Variants in BTBD3 observed in about 807,000 individuals in gnomAD.
The protein encoded by BTBD3 is BTB/POZ domain-containing protein 3.
In BTBD3, 14 loss-of-function variants were observed where a neutral mutation model predicts 41.6. The ratio of observed to expected loss-of-function variants is 0.34; its 90% CI spans 0.22 to 0.53. BTBD3 has a LOEUF of 0.53. Among genes scored for constraint, BTBD3 ranks in the 20% least tolerant of loss-of-function variants. BTBD3 has a pLI of 0.95. For synonymous variants in BTBD3, 249 were observed against 233.7 expected (o/e 1.07, Z -0.60); for missense variants, 426 against 654.7 (o/e 0.65, Z 3.81).
chr20:11,921,185 G>A (rs1002601452), intron 3 of BTBD3, among the ~76,000 whole-genome samples: 1 of 152,202 alleles, frequency 6.6e-6, no homozygotes, highest in African/African-American at 2.4e-5. Context: ...AGTCAAGTAG[G>A]ATGTTGTATC....
At chr20:11,906,469 G>A (rs1470617746) in intron 1 of BTBD3, among the ~76,000 whole-genome samples, 2 of 151,486 alleles carry the variant, frequency 1.3e-5, no homozygotes, top group East Asian at 3.9e-4. Flanking sequence ...TCACCATGTT[G>A]GACAGTCTGT....
chr20:11,897,068 A>G (rs572149702), intron 1 of BTBD3, among the ~76,000 whole-genome samples: 3 of 152,116 alleles, frequency 2.0e-5, no homozygotes, highest in Middle Eastern at 3.4e-3. Flanking sequence ...TCCCTTCTAT[A>G]CCGCTGGCCT....
intron 1 of BTBD3, among the ~76,000 whole-genome samples, chr20:11,896,428 A>G (rs914541760): frequency 6.6e-6 from 1 of 152,162 alleles, no homozygotes; most frequent in Non-Finnish European, 1.5e-5. Flanking sequence ...ACTTTTATCT[A>G]CTTTTAAATA....
At chr20:11,891,027 G>C in intron 1 of BTBD3, 6 of 957,810 alleles carry the variant, frequency 6.3e-6, no homozygotes, top group Non-Finnish European at 7.4e-6. Flanking sequence ...CCGGGCAGGG[G>C]CGCGCGCCCT....
At chr20:11,919,392 A>C in intron 2 of BTBD3, 9 of 1,409,452 alleles carry the variant, frequency 6.4e-6, no homozygotes, top group Non-Finnish European at 8.3e-6. Context: ...ATCCCCTCTT[A>C]ACTCTCCAGA....
intron 1 of BTBD3, among the ~76,000 whole-genome samples, chr20:11,893,133 A>G (rs2056766346): frequency 6.6e-6 from 1 of 152,182 alleles, no homozygotes. Context: ...AGGAACTGTT[A>G]AAACTCTTCT....
At chr20:11,908,199 G>A (rs1174535183) in intron 1 of BTBD3, among the ~76,000 whole-genome samples, 2 of 151,880 alleles carry the variant, frequency 1.3e-5, no homozygotes, top group South Asian at 2.1e-4. Flanking sequence ...TGACTCAGAT[G>A]TAAATTGTGA....
chr20:11,896,197 C>T (rs1030067023), intron 1 of BTBD3, among the ~76,000 whole-genome samples: 5 of 152,172 alleles, frequency 3.3e-5, no homozygotes, highest in African/African-American at 1.2e-4. Context: ...CCTTTTATCT[C>T]TCAGCAGAGT....
At chr20:11,909,011 G>T (rs927783736) in intron 1 of BTBD3, among the ~76,000 whole-genome samples, 1 of 152,106 alleles carries the variant, frequency 6.6e-6, no homozygotes, top group Admixed American at 6.5e-5. Flanking sequence ...ACTTTGGGAG[G>T]CCTAGGCGGG....
chr20:11,916,503 T>G (rs1269767320), upstream of BTBD3, among the ~76,000 whole-genome samples: 1 of 152,200 alleles, frequency 6.6e-6, no homozygotes, highest in Non-Finnish European at 1.5e-5. Flanking sequence ...CAGGTAACTG[T>G]GCTACAGGCC....
intron 1 of BTBD3, among the ~76,000 whole-genome samples, chr20:11,907,376 A>T (rs573988858): frequency 8.7e-4 from 132 of 152,330 alleles, no homozygotes; most frequent in Non-Finnish European, 1.6e-3. Flanking sequence ...ATCTCAGTCA[A>T]CTAGAAACAC....
chr20:11,913,716 C>T (rs1203456704), upstream of BTBD3: 1 of 152,060 alleles, frequency 6.6e-6, no homozygotes, highest in Admixed American at 6.6e-5. Context: ...TCTGGAGTCC[C>T]GTTCAGTTTC....
chr20:11,894,558 T>C (rs1349050057), intron 1 of BTBD3, among the ~76,000 whole-genome samples: 1 of 152,162 alleles, frequency 6.6e-6, no homozygotes, highest in Non-Finnish European at 1.5e-5. Flanking sequence ...TCTGGTACTT[T>C]GCCTACTTTA....
intron 1 of BTBD3, among the ~76,000 whole-genome samples, chr20:11,891,856 C>T (rs535922068): frequency 1.3e-5 from 2 of 152,050 alleles, no homozygotes; most frequent in Non-Finnish European, 2.9e-5. Context: ...AAATATTCCC[C>T]GCCACCTCGC....
chr20:11,891,904 C>T (rs955194429), intron 1 of BTBD3, among the ~76,000 whole-genome samples: 2 of 152,132 alleles, frequency 1.3e-5, no homozygotes, highest in African/African-American at 2.4e-5. Context: ...CTTGGCTGCA[C>T]AGAGGAGTCG....
Position 11,918,019 on chromosome 20 carries a change from A to G in BTBD3, c.-257A>G, listed in dbSNP as rs1391627821. On this transcript the variant is annotated 5_prime_UTR_variant, in exon 1 of 4. Coordinates refer to ENST00000378226, the MANE Select transcript of BTBD3 (RefSeq NM_014962.4). ...GCAGTGTAGCATTTTCAGGTGATCT[A>G]GGAAACAGTTATTTTTATGAGCAAA... The G allele has an allele frequency of 7.8e-5, 94 of 1,210,888 alleles. No homozygotes were observed. Among genetic ancestry groups the G allele is most frequent in the Non-Finnish European group, 9.2e-5 (90 of 974,200 alleles). The allele number at this position is 1,210,888 out of a possible 1,614,324, so 75.0% of individuals were successfully genotyped here.
chr20:11,923,188 G>A lies in BTBD3; in HGVS notation c.1091G>A (p.Ser364Asn), dbSNP rs1309536064. The A allele has an allele frequency of 6.2e-7, 1 of 1,614,232 alleles. No homozygotes were observed. The highest frequency in any genetic ancestry group is 1.7e-5 in the Admixed American group (1 of 60,028). The change falls in exon 4 of 4, where the codon AGT becomes AAT. Residue 364 changes from serine (S) to asparagine (N), a missense_variant. By Grantham distance (46) the Ser-to-Asn change is conservative. Transcript: ENST00000378226. The surrounding 1 kb of genome is among the most constrained non-coding windows in gnomAD (Gnocchi z 5.3). ...AAAAAGCCTGAGCTTCAGTTTGTGAGTAAAGCCCGTAAGGGCCTTGTCCCC... is the reference window on the plus strand; with the variant it reads ...AAAAAGCCTGAGCTTCAGTTTGTGAATAAAGCCCGTAAGGGCCTTGTCCCC... ...AAKKPELQFV[S>N]KARKGLVPQR...
intron 1 of BTBD3, among the ~76,000 whole-genome samples, chr20:11,907,176 T>C (rs1373800536): frequency 1.3e-5 from 2 of 152,180 alleles, no homozygotes; most frequent in Middle Eastern, 3.2e-3. Flanking sequence ...AGACTTTTAA[T>C]GTAGTGAAGC....
At chr20:11,911,669 G>T (rs2056890368) in intron 1 of BTBD3, among the ~76,000 whole-genome samples, 1 of 152,216 alleles carries the variant, frequency 6.6e-6, no homozygotes, top group South Asian at 2.1e-4. Flanking sequence ...AGGGCCGCAG[G>T]TTGGACAAAC....
Sources: gnomAD v4.1 joint callset for allele counts (sites outside exome capture counted in the v4.1 genomes callset) on GRCh38, gnomAD v4.1.1 for gene constraint, Gnocchi (gnomAD v3.1) non-coding constraint, MANE v1.5 for transcripts, NCBI Gene and HGNC (gene_info 2026-07-23, HGNC 2026-07-21) for gene names.